The following KSR1 variants were observed in gnomAD, a reference collection of about 807,000 sequenced individuals.
The protein encoded by KSR1 is kinase suppressor of ras.
Under a neutral mutation model 92.9 loss-of-function variants are expected in KSR1, and 35 were observed. That is an observed-to-expected ratio of 0.38 (90% CI 0.29 to 0.50). KSR1 has a LOEUF of 0.50. KSR1 is among the 20% of genes least tolerant of loss of function. The pLI is 0.94. For missense variants in KSR1, 972 were observed against 1,158.5 expected, an observed-to-expected ratio of 0.84 and a Z score of 2.34; for synonymous variants, 467 against 472.6, an observed-to-expected ratio of 0.99 and a Z score of 0.15.
chr17:27,617,546 A>G (rs1020714215), intron 19 of KSR1, 118 bp downstream of exon 19: 8 of 1,230,730 alleles, frequency 6.5e-6, no homozygotes. Flanking sequence ...GTTTTTTTTG[A>G]GACAGAGTCT....
At chr17:27,473,194 G>A (rs2020114271) in intron 1 of KSR1, among the ~76,000 whole-genome samples, 3 of 152,246 alleles carry the variant, frequency 2.0e-5, no homozygotes, top group South Asian at 4.1e-4. Context: ...AACTGGTGGA[G>A]CTGAATTGTC....
intron 2 of KSR1, among the ~76,000 whole-genome samples, chr17:27,556,209 G>GTTAT (rs1598018734): frequency 6.6e-6 from 1 of 152,082 alleles, no homozygotes; most frequent in South Asian, 2.1e-4. Flanking sequence ...TTCTTCAACG[G>GTTAT]TTATTTATTT....
At chr17:27,536,756 C>G (rs928829083) in intron 1 of KSR1, among the ~76,000 whole-genome samples, 2 of 152,212 alleles carry the variant, frequency 1.3e-5, no homozygotes. Flanking sequence ...TGCTCATGCA[C>G]CTGACCCTGG....
At chr17:27,507,891 T>C (rs1019105403) in intron 1 of KSR1, among the ~76,000 whole-genome samples, 2 of 152,170 alleles carry the variant, frequency 1.3e-5, no homozygotes, top group African/African-American at 4.8e-5. Context: ...TGGCTTTTAA[T>C]ATGGCTACTA....
intron 15 of KSR1, 120 bp downstream of exon 15, chr17:27,608,130 C>T: frequency 1.5e-6 from 1 of 670,462 alleles, no homozygotes; most frequent in Admixed American, 2.4e-5. Flanking sequence ...CTCCTTCTAG[C>T]TCAGGCTCCT....
chr17:27,563,943 T>G (rs2071940693), intron 2 of KSR1, among the ~76,000 whole-genome samples: 1 of 152,026 alleles, frequency 6.6e-6, no homozygotes, highest in Non-Finnish European at 1.5e-5. Context: ...ATTATGTATT[T>G]TAGCTATTTT....
At chr17:27,469,075 A>G (rs1393954509) in intron 1 of KSR1, among the ~76,000 whole-genome samples, 1 of 152,144 alleles carries the variant, frequency 6.6e-6, no homozygotes, top group Non-Finnish European at 1.5e-5. Context: ...AGAGCTGCTG[A>G]GTACAGGAAG....
chr17:27,489,828 G>A (rs2068768580), intron 1 of KSR1, among the ~76,000 whole-genome samples: 1 of 152,206 alleles, frequency 6.6e-6, no homozygotes, highest in Non-Finnish European at 1.5e-5. Context: ...GGGGGCCCAG[G>A]GGTTGGGAGG....
At chr17:27,498,128 G>A (rs182161355) in intron 1 of KSR1, among the ~76,000 whole-genome samples, 3 of 152,108 alleles carry the variant, frequency 2.0e-5, no homozygotes, top group Admixed American at 2.0e-4. Flanking sequence ...TCAGGAGTTC[G>A]AGACCAGCCT....
chr17:27,557,379 TC>T (rs2151105113), intron 2 of KSR1, among the ~76,000 whole-genome samples: 1 of 152,276 alleles, frequency 6.6e-6, no homozygotes, highest in Non-Finnish European at 1.5e-5. Flanking sequence ...ATGGCATCTG[TC>T]CCCTCTTTCC....
rs1284636198 is a variant in KSR1, at chr17:27,563,277, C to T, written c.372+12569C>T. Among the ~76,000 whole-genome samples the T allele has an allele frequency of 2.0e-5, 3 of 152,186 alleles. No individual in the cohort carries two copies. In the East Asian group the frequency reaches 5.8e-4, roughly 29 times the overall value. On this transcript the variant is annotated intron_variant, in intron 2 of 20. Coordinates refer to ENST00000644974, the MANE Select transcript of KSR1 (RefSeq NM_001394583.1). ...TCTCCTTTCCTGTTTCCTTTCCTTTCCATTTTCCTTTTCTGTTTTTTTGCT... is the reference window on the plus strand; with the variant it reads ...TCTCCTTTCCTGTTTCCTTTCCTTTTCATTTTCCTTTTCTGTTTTTTTGCT...
At chr17:27,471,841 G>C (rs2150923459) in intron 1 of KSR1, among the ~76,000 whole-genome samples, 1 of 152,320 alleles carries the variant, frequency 6.6e-6, no homozygotes, top group Non-Finnish European at 1.5e-5. Context: ...GTGAATGAAG[G>C]CTCATCAGGC....
intron 1 of KSR1, among the ~76,000 whole-genome samples, chr17:27,486,236 TA>T (rs2068660057): frequency 6.6e-6 from 1 of 152,244 alleles, no homozygotes; most frequent in Non-Finnish European, 1.5e-5. Flanking sequence ...TTCTTTAATG[TA>T]AACACACTGA....
At chr17:27,584,223 C>T (rs577726250) in intron 4 of KSR1, among the ~76,000 whole-genome samples, 2 of 152,112 alleles carry the variant, frequency 1.3e-5, no homozygotes, top group Admixed American at 6.5e-5. Flanking sequence ...GCCAAAAGGC[C>T]GAGAAGCAAT....
At chr17:27,461,066 GTTTTGTTTTTTGT>G (rs1268150337) in intron 1 of KSR1, among the ~76,000 whole-genome samples, 10 of 152,118 alleles carry the variant, frequency 6.6e-5, no homozygotes, top group Non-Finnish European at 2.9e-5. Context: ...TTTTTGTTTT[GTTTTGTTTTTTGT>G]TTTTGTTTTT....
intron 2 of KSR1, among the ~76,000 whole-genome samples, chr17:27,572,559 T>C (rs1195074504): frequency 6.6e-6 from 1 of 152,202 alleles, no homozygotes; most frequent in Non-Finnish European, 1.5e-5. Flanking sequence ...ACTTAGCATC[T>C]TCTGGGCACC....
At position 27,621,116 on chromosome 17, in the gene KSR1, G is replaced by T. The variant is rs922902320; in HGVS notation, c.2628-77G>T. 4.0e-5 allele frequency: 16 copies of T among 398,124 alleles called. No individual in the cohort carries two copies. The South Asian group carries it at 1.2e-3, about 29-fold the overall frequency. The allele number at this position is 398,124 out of a possible 1,614,324, so 24.7% of individuals were successfully genotyped here. ...ACCTGATTCCTCCACCTGTCCACAC[G>T]TGCCTGACTCCATCACATGCCGGGG... is the stretch of plus-strand genomic sequence containing the variant. On this transcript the variant is annotated intron_variant, in intron 19 of 20. Transcript: ENST00000644974.
chr17:27,547,313 G>A (rs370242698), intron 1 of KSR1, among the ~76,000 whole-genome samples: 12 of 152,210 alleles, frequency 7.9e-5, no homozygotes, highest in Admixed American at 5.9e-4. Context: ...TTGACCTGGC[G>A]TCTGTGGATA....
At position 27,605,673 on chromosome 17, in the gene KSR1, G is replaced by A. The variant is rs757838307; in HGVS notation, c.1854G>A (p.Leu618=). Residue 618 remains leucine (L), a synonymous_variant, in exon 14 of 21, where the codon CTG becomes CTA. Transcript: ENST00000644974. ...GRWHGEVAIR[L]LEMDGHNQDH... ...GGCATGGCGAGGTGGCCATTCGCCT[G>A]CTGGAGATGGACGGCCACAACCAGG... The A allele has an allele frequency of 1.9e-6, 3 of 1,612,626 alleles. No homozygotes were observed. The highest frequency in any genetic ancestry group is 2.5e-6 in the Non-Finnish European group (3 of 1,179,810).
Sources: allele counts gnomAD v4.1 joint callset (sites outside exome capture counted in the v4.1 genomes callset), GRCh38; gene constraint gnomAD v4.1.1; transcripts MANE v1.5; gene names NCBI Gene and HGNC (gene_info 2026-07-23, HGNC 2026-07-21).